Variants in DENND2C observed in about 807,000 individuals in gnomAD.
DENND2C encodes DENN domain-containing protein 2C.
A neutral mutation model predicts 112.4 loss-of-function variants in DENND2C; 72 were observed. The observed-to-expected ratio is 0.64, with a 90% confidence interval of 0.53 to 0.78. The LOEUF is 0.78. Among genes scored for constraint, DENND2C ranks in the 30% least tolerant of loss-of-function variants. The pLI, the probability that DENND2C is intolerant of heterozygous loss-of-function variation, is 0.00. For missense variants in DENND2C, 992 were observed against 1,113.8 expected, an observed-to-expected ratio of 0.89 and a Z score of 1.56; for synonymous variants, 329 against 381.6, an observed-to-expected ratio of 0.86 and a Z score of 1.61.
At chr1:114,587,230 A>G in intron 20 of DENND2C, 157 bp downstream of exon 20, 1 of 745,592 alleles carries the variant, frequency 1.3e-6, no homozygotes, top group Non-Finnish European at 2.3e-6. Flanking sequence ...AATTTTGTGT[A>G]GGGATGGGGT....
intron 2 of DENND2C, among the ~76,000 whole-genome samples, chr1:114,646,020 G>A (rs933945419): frequency 1.3e-5 from 2 of 151,730 alleles, no homozygotes; most frequent in African/African-American, 2.4e-5. Context: ...TCTGCCTCCC[G>A]GGTTCACGCC....
In DENND2C at chr1:114,583,807, CA is replaced by C. The variant is rs71090794; in HGVS notation, c.*1792del. 0.31 allele frequency: 26,803 copies of C among 85,818 alleles called. 3,180 individuals carry two copies. Among genetic ancestry groups the C allele is most frequent in the Middle Eastern group, 0.4 (62 of 156 alleles). The allele number at this position is 85,818 out of a possible 1,614,324, so 5.3% of individuals were successfully genotyped here. A position where few individuals can be genotyped will look rare whatever the true frequency, so the allele number is the denominator to read the frequency against. On this transcript the variant is annotated 3_prime_UTR_variant, in exon 21 of 21. Coordinates refer to ENST00000393274, the MANE Select transcript of DENND2C (RefSeq NM_001256404.2). ...GGGCAAAAAGAGCGAAACTCCATCT[CA>C]AAAAAAAAAAAAAAAAACCGAAACA...
intron 4 of DENND2C, among the ~76,000 whole-genome samples, chr1:114,624,813 G>A (rs961481182): frequency 6.6e-6 from 1 of 150,658 alleles, no homozygotes; most frequent in African/African-American, 2.4e-5. Flanking sequence ...TAGAGACAGG[G>A]TTTCACCATG....
intron 8 of DENND2C, among the ~76,000 whole-genome samples, chr1:114,614,068 C>T (rs1044873532): frequency 3.3e-5 from 5 of 151,624 alleles, no homozygotes; most frequent in South Asian, 2.1e-4. Context: ...TTTGTCTCTA[C>T]GAAAAATTAA....
Position 114,585,496 on chromosome 1 carries a change from A to C in DENND2C, c.*104T>G. On this transcript the variant is annotated 3_prime_UTR_variant, in exon 21 of 21. Coordinates refer to ENST00000393274, the MANE Select transcript of DENND2C (RefSeq NM_001256404.2). ...CCTGACTCGCTCTTTAACCTTTTAAAATTTCAAGAATTTTGTAGAATACTT... is the reference window on the plus strand; with the variant it reads ...CCTGACTCGCTCTTTAACCTTTTAACATTTCAAGAATTTTGTAGAATACTT... The C allele has an allele frequency of 1.5e-6, 2 of 1,319,860 alleles. No homozygotes were observed. The highest frequency in any genetic ancestry group is 1.1e-6 in the Non-Finnish European group (1 of 932,944). 81.8% of individuals were successfully genotyped at this position (1,319,860 alleles called of 1,614,324 possible). A position where few individuals can be genotyped will look rare whatever the true frequency, so the allele number is the denominator to read the frequency against.
chr1:114,607,401 C>T (rs1655688746), intron 10 of DENND2C, among the ~76,000 whole-genome samples: 1 of 152,232 alleles, frequency 6.6e-6, no homozygotes, highest in East Asian at 1.9e-4. Context: ...AGCTTCAACC[C>T]ATTCCTGACA....
At position 114,583,312 on chromosome 1, in the gene DENND2C, T is replaced by C. The variant is rs1654948066; in HGVS notation, c.*2288A>G. On this transcript the variant is annotated 3_prime_UTR_variant, in exon 21 of 21. Transcript: ENST00000393274. The stretch of plus-strand genomic sequence containing the variant: ...ATACCTGAATGGGTTGTAATGACAA[T>C]ACTGTACAAGTCAATAAACTGTATC... The C allele has an allele frequency of 6.6e-6, 1 of 152,222 alleles. No individual in the cohort carries two copies. The highest frequency in any genetic ancestry group is 2.1e-4 in the South Asian group (1 of 4,836). The allele number at this position is 152,222 out of a possible 1,614,324, so 9.4% of individuals were successfully genotyped here.
intron 3 of DENND2C, among the ~76,000 whole-genome samples, chr1:114,642,929 T>A (rs900520755): frequency 6.6e-6 from 1 of 152,198 alleles, no homozygotes; most frequent in African/African-American, 2.4e-5. Flanking sequence ...TCCTTAGCCC[T>A]TTCCCCAGAG....
chr1:114,638,274 A>T (rs928871111), intron 3 of DENND2C, among the ~76,000 whole-genome samples: 1 of 152,138 alleles, frequency 6.6e-6, no homozygotes, highest in Non-Finnish European at 1.5e-5. Flanking sequence ...ACAAAATTTA[A>T]GTTGAAATAG....
chr1:114,653,027 T>C (rs1038754068), intron 2 of DENND2C, among the ~76,000 whole-genome samples: 6 of 152,142 alleles, frequency 3.9e-5, no homozygotes, highest in African/African-American at 1.4e-4. Flanking sequence ...TGATTGGTTG[T>C]ATCCACAGGT....
intron 10 of DENND2C, 21 bp downstream of exon 10, chr1:114,608,665 T>C (rs372434841): frequency 1.9e-6 from 3 of 1,610,900 alleles, no homozygotes; most frequent in Non-Finnish European, 2.5e-6. Context: ...CCTGAATGCC[T>C]CTTGGCCTCC....
rs181348409 is a variant in DENND2C at position 114,650,393 on chromosome 1, G to A, written c.-317+4112C>T. On this transcript the variant is annotated intron_variant, in intron 2 of 20. Transcript: ENST00000393274. The stretch of plus-strand genomic sequence containing the variant: ...AGAATTTCAGACTATGGCTGGGTGC[G>A]GTGGCTCACGCCTGTAATCCCAGCA... Among the ~76,000 whole-genome samples the A allele has an allele frequency of 9.6e-4, 146 of 151,826 alleles. 1 individual carries two copies. The highest frequency in any genetic ancestry group is 6.8e-3 in the Middle Eastern group (2 of 294).
At chr1:114,585,713 A>T in intron 20 of DENND2C, 82 bp from the exon 21 acceptor site, 3 of 1,422,406 alleles carry the variant, frequency 2.1e-6, no homozygotes, top group Non-Finnish European at 2.0e-6. Context: ...TTAACAGGTC[A>T]GTCATTCAGA....
At chr1:114,607,235 C>A (rs1194229415) in intron 10 of DENND2C, among the ~76,000 whole-genome samples, 6 of 152,176 alleles carry the variant, frequency 3.9e-5, no homozygotes, top group Non-Finnish European at 7.4e-5. Flanking sequence ...AGTTTTCCTA[C>A]CAGACTTCAT....
In DENND2C at chr1:114,594,544, A is replaced by T; in HGVS notation, c.2360T>A (p.Leu787His). ...CAAAATCTGCATCAGGGCAGCTTGA[A>T]GTTTTGGTGGTAGAATTTCATCCTC... The part of the protein sequence containing the change: ...SDEDEILPPK[L>H]QAALMQILEE... Residue 787 changes from leucine to histidine, a missense_variant, in exon 18 of 21, where the codon CTT (leucine) becomes CAT (histidine). This residue lies in a region of DENND2C where 516 missense variants were observed against 623.6 expected (regional missense o/e 0.83). Coordinates refer to ENST00000393274, the MANE Select transcript of DENND2C (RefSeq NM_001256404.2). 6.2e-7 allele frequency: 1 copy of T among 1,613,842 alleles called. No individual in the cohort carries two copies.
chr1:114,625,742 T>C lies in DENND2C; in HGVS notation c.243A>G (p.Leu81=), dbSNP rs1656321917. 1 of 1,614,054 alleles carries C rather than the reference T, an allele frequency of 6.2e-7. No individual in the cohort carries two copies. The highest frequency in any genetic ancestry group is 1.7e-5 in the Admixed American group (1 of 60,002). The change falls in exon 4 of 21, where the codon CTA becomes CTG. Residue 81 remains leucine (L), a synonymous_variant. Transcript: ENST00000393274. ...LDVTSRENVG[L]DINENTKSHD... ...GGCTTTTGGTATTTTCATTTATATC[T>C]AGACCCACATTTTCACGGCTGGTTA...
At chr1:114,607,216 C>A (rs988795413) in intron 10 of DENND2C, among the ~76,000 whole-genome samples, 7 of 152,214 alleles carry the variant, frequency 4.6e-5, no homozygotes, top group African/African-American at 1.7e-4. Flanking sequence ...AAGACCTTGG[C>A]ACATGCCCAG....
At chr1:114,629,776 G>T (rs140940321) in intron 3 of DENND2C, among the ~76,000 whole-genome samples, 12 of 152,190 alleles carry the variant, frequency 7.9e-5, no homozygotes, top group African/African-American at 2.9e-4. Context: ...AACATATTAA[G>T]AGAAACCAAT....
Position 114,618,386 on chromosome 1 carries a change from CT to C in DENND2C, c.1323del (p.Gly442ValfsTer21), listed in dbSNP as rs753739254. On this transcript the variant is annotated frameshift_variant and splice_region_variant, in exon 8 of 21. Coordinates refer to ENST00000393274, the MANE Select transcript of DENND2C (RefSeq NM_001256404.2). LOFTEE classifies it high-confidence loss of function. ...SYTGKELPPTKGETSGNESDA... is the reference protein window; with the variant it reads ...SYTGKELPPTXGETSGNESDA... The stretch of plus-strand genomic sequence containing the variant: ...AGCTGGAACGAAAAACAATTCTTAC[CT>C]TTTGTCGGAGGTAATTCCTTTCCAG... 1 of 1,566,142 alleles carries C rather than the reference CT, an allele frequency of 6.4e-7. No homozygotes were observed. The highest frequency in any genetic ancestry group is 1.2e-5 in the South Asian group (1 of 84,112).
Sources: allele counts gnomAD v4.1 joint callset (sites outside exome capture counted in the v4.1 genomes callset), GRCh38; gene constraint gnomAD v4.1.1; regional missense constraint gnomAD v4.1.1; transcripts MANE v1.5; gene names NCBI Gene and HGNC (gene_info 2026-07-23, HGNC 2026-07-21).